Variants in LDB3 observed in about 807,000 individuals in gnomAD.
The protein encoded by LDB3 is LIM domain-binding protein 3.
In LDB3, 49 loss-of-function variants were observed where a neutral mutation model predicts 69.0. That is an observed-to-expected ratio of 0.71 (90% CI 0.56 to 0.90). The LOEUF is 0.90. Ranked by LOEUF, LDB3 falls within the 40% of genes least tolerant of loss-of-function variation. The probability of loss-of-function intolerance (pLI) is 0.00; values close to 1 mark genes in which losing one functional copy is unlikely to be tolerated. For synonymous variants in LDB3, 387 were observed against 396.2 expected, an observed-to-expected ratio of 0.98 and a Z score of 0.28; for missense variants, 928 against 974.1, an observed-to-expected ratio of 0.95 and a Z score of 0.63.
At chr10:86,670,977 C>T (rs1272460948) in intron 2 of LDB3, among the ~76,000 whole-genome samples, 1 of 152,202 alleles carries the variant, frequency 6.6e-6, no homozygotes, top group Non-Finnish European at 1.5e-5. Context: ...GGATTTACTG[C>T]CGGGGCTCGC....
At chr10:86,732,462 C>CT (rs1171017237) in intron 13 of LDB3, 3 of 454,978 alleles carry the variant, frequency 6.6e-6, no homozygotes, top group Non-Finnish European at 8.8e-6. Context: ...GAGAAATAGG[C>CT]TGTTGCCTTT....
chr10:86,700,411 C>T (rs186426147), intron 7 of LDB3, among the ~76,000 whole-genome samples: 201 of 152,314 alleles, frequency 1.3e-3, no homozygotes, highest in African/African-American at 4.5e-3. Context: ...GAAGGCACCC[C>T]GCAAGCTGTT....
chr10:86,685,836 T>A, intron 5 of LDB3: 3 of 1,053,266 alleles, frequency 2.8e-6, no homozygotes, highest in Non-Finnish European at 4.4e-6. Context: ...GGTACACTTG[T>A]ACCCCTGGGT....
intron 2 of LDB3, among the ~76,000 whole-genome samples, chr10:86,678,198 C>T (rs562067217): frequency 6.6e-6 from 1 of 152,164 alleles, no homozygotes; most frequent in Admixed American, 6.5e-5. Context: ...CAGGCACATG[C>T]CACCATGTCC....
At chr10:86,680,650 T>G (rs2803570) in intron 4 of LDB3, among the ~76,000 whole-genome samples, 33,097 of 152,036 alleles carry the variant, frequency 0.22, 3,749 homozygotes, top group Admixed American at 0.29. Context: ...CCAAGTGCAT[T>G]CCCCTGTAGC....
intron 13 of LDB3, among the ~76,000 whole-genome samples, chr10:86,727,089 C>T (rs1178455589): frequency 6.7e-6 from 1 of 150,128 alleles, no homozygotes; most frequent in African/African-American, 2.5e-5. Context: ...GGCATGATCT[C>T]GGTTCATTGC....
chr10:86,703,116 A>G (rs1263407471), intron 7 of LDB3, among the ~76,000 whole-genome samples: 3 of 152,138 alleles, frequency 2.0e-5, no homozygotes, highest in Admixed American at 6.5e-5. Context: ...CCTCCTATTC[A>G]TCCTACAGAA....
At chr10:86,682,277 TG>T (rs1366889073) in intron 5 of LDB3, among the ~76,000 whole-genome samples, 2 of 152,108 alleles carry the variant, frequency 1.3e-5, no homozygotes, top group Non-Finnish European at 2.9e-5. Flanking sequence ...AGGAATAGTC[TG>T]GGAAGCTGCC....
At chr10:86,672,782 C>G (rs1426560157) in intron 2 of LDB3, among the ~76,000 whole-genome samples, 1 of 152,246 alleles carries the variant, frequency 6.6e-6, no homozygotes, top group Non-Finnish European at 1.5e-5. Flanking sequence ...ATGAGGCTGG[C>G]TGGGTCCTGG....
At chr10:86,676,009 C>T (rs777464836) in intron 2 of LDB3, among the ~76,000 whole-genome samples, 6 of 152,222 alleles carry the variant, frequency 3.9e-5, no homozygotes, top group Non-Finnish European at 7.3e-5. Context: ...TTCACCTCTA[C>T]ACTCAAGGCA....
At chr10:86,681,948 C>T (rs909422594) in intron 5 of LDB3, 145 bp downstream of exon 5, 4 of 846,074 alleles carry the variant, frequency 4.7e-6, no homozygotes, top group South Asian at 3.9e-5. Flanking sequence ...AGTGATCCTG[C>T]GGCATTTGCC....
chr10:86,666,897 T>A (rs765406577), upstream of LDB3: 5 of 468,340 alleles, frequency 1.1e-5, no homozygotes, highest in Non-Finnish European at 2.2e-5. Flanking sequence ...GCCTTCCTTC[T>A]CCCACACTGG....
intron 12 of LDB3, among the ~76,000 whole-genome samples, chr10:86,719,061 G>A (rs544295028): frequency 1.3e-5 from 2 of 152,270 alleles, no homozygotes; most frequent in Non-Finnish European, 2.9e-5. Flanking sequence ...TTGCAGCTTT[G>A]GGGAGAGTGA....
At chr10:86,675,677 A>G (rs1161670318) in intron 2 of LDB3, among the ~76,000 whole-genome samples, 1 of 152,272 alleles carries the variant, frequency 6.6e-6, no homozygotes, top group Non-Finnish European at 1.5e-5. Flanking sequence ...GGTACCTGCA[A>G]CTTTCTTTGA....
chr10:86,703,491 C>A (rs1846336764), intron 7 of LDB3, among the ~76,000 whole-genome samples: 1 of 152,234 alleles, frequency 6.6e-6, no homozygotes, highest in Admixed American at 6.5e-5. Context: ...TCAGGGAAGA[C>A]CTGGGCAGGA....
Position 86,732,976 on chromosome 10 carries a change from G to A in LDB3, c.2184G>A (p.Ter728=). Residue 728 remains the stop codon, a stop_retained_variant, in exon 14 of 14, where the codon TAG becomes TAA. Coordinates refer to ENST00000361373, the MANE Select transcript of LDB3 (RefSeq NM_007078.3). The part of the protein sequence containing the change: ...CKKHAHTINL[*] The stretch of plus-strand genomic sequence containing the variant: ...AGCACGCACACACCATCAACTTGTA[G>A]GCGGCCAAGGCCGCCTGTGCTGACG... The A allele has an allele frequency of 6.2e-7, 1 of 1,611,698 alleles. No individual in the cohort carries two copies. Among genetic ancestry groups the A allele is most frequent in the South Asian group, 1.1e-5 (1 of 90,822 alleles).
chr10:86,718,575 CT>C lies in LDB3; in HGVS notation c.1858-151del, dbSNP rs1846960939. On this transcript the variant is annotated intron_variant, in intron 11 of 13. Coordinates refer to ENST00000361373, the MANE Select transcript of LDB3 (RefSeq NM_007078.3). ...AGTGACAACCCCTTCTCTGACACCC[CT>C]GGGTCTTTCTTCAGAGTGACCAAGG... 1.2e-5 allele frequency: 12 copies of C among 1,017,754 alleles called. No individual in the cohort carries two copies. In the South Asian group the frequency reaches 1.4e-4, roughly 12 times the overall value. The allele number at this position is 1,017,754 out of a possible 1,614,324, so 63.0% of individuals were successfully genotyped here. A position where few individuals can be genotyped will look rare whatever the true frequency, so the allele number is the denominator to read the frequency against.
At chr10:86,727,666 A>G (rs1471230172) in intron 13 of LDB3, among the ~76,000 whole-genome samples, 1 of 152,178 alleles carries the variant, frequency 6.6e-6, no homozygotes, top group Non-Finnish European at 1.5e-5. Context: ...ACAGGAGGCC[A>G]TAGTCTCTCT....
In LDB3 at chr10:86,697,549, CTTTTTTTTTTTT is replaced by C. The variant is rs71019409; in HGVS notation, c.896+4989_896+5000del. 4.8e-5 allele frequency among the ~76,000 whole-genome samples: 4 copies of C among 83,956 alleles called. 1 individual carries two copies. The highest frequency in any genetic ancestry group is 8.5e-4 in the South Asian group (2 of 2,360). 55.1% of individuals were successfully genotyped at this position (83,956 alleles called of 152,430 possible). A position where few individuals can be genotyped will look rare whatever the true frequency, so the allele number is the denominator to read the frequency against. On this transcript the variant is annotated intron_variant, in intron 7 of 13. Transcript: ENST00000361373. ...TTCTTTTTTTTCTTTTTCTTTCTTTCTTTTTTTTTTTTTTTTTTTTTTGAGATGGAGTCTCAC... is the reference window on the plus strand; with the variant it reads ...TTCTTTTTTTTCTTTTTCTTTCTTTCTTTTTTTTTTGAGATGGAGTCTCAC...
Sources: allele counts gnomAD v4.1 joint callset (sites outside exome capture counted in the v4.1 genomes callset), GRCh38; gene constraint gnomAD v4.1.1; transcripts MANE v1.5; gene names NCBI Gene and HGNC (gene_info 2026-07-23, HGNC 2026-07-21).